PNLIPRP3: variants seen among roughly 807,000 people sequenced by gnomAD.
PNLIPRP3 encodes the protein pancreatic lipase related protein 3, also known as pancreatic lipase-related protein 3.
Under a neutral mutation model 52.8 loss-of-function variants are expected in PNLIPRP3, and 58 were observed. That is an observed-to-expected ratio of 1.10 (90% CI 0.89 to 1.37). PNLIPRP3 has a LOEUF of 1.37. PNLIPRP3 is among the 40% of genes most tolerant of loss of function. PNLIPRP3 has a pLI of 0.00. For missense variants in PNLIPRP3, 593 were observed against 561.6 expected, an observed-to-expected ratio of 1.06 and a Z score of -0.57; for synonymous variants, 192 against 185.0, an observed-to-expected ratio of 1.04 and a Z score of -0.31.
intron 2 of PNLIPRP3, among the ~76,000 whole-genome samples, chr10:116,441,287 G>A (rs528751381): frequency 6.6e-6 from 1 of 152,164 alleles, no homozygotes; most frequent in South Asian, 2.1e-4. Context: ...GGAGACATGT[G>A]CAATGTATGA....
At chr10:116,457,915 T>C (rs1445319129) in intron 5 of PNLIPRP3, among the ~76,000 whole-genome samples, 1 of 152,228 alleles carries the variant, frequency 6.6e-6, no homozygotes, top group Admixed American at 6.5e-5. Flanking sequence ...GTCCAAAGAA[T>C]TAATATTATG....
At chr10:116,443,210 G>T in intron 3 of PNLIPRP3, 36 bp downstream of exon 3, 1 of 1,583,996 alleles carries the variant, frequency 6.3e-7, no homozygotes, top group Non-Finnish European at 8.6e-7. Context: ...ACACTAGCAT[G>T]CGAGCTTTAT....
chr10:116,442,019 C>T (rs776270816), intron 2 of PNLIPRP3, among the ~76,000 whole-genome samples: 5 of 152,170 alleles, frequency 3.3e-5, no homozygotes, highest in African/African-American at 4.8e-5. Flanking sequence ...TACTATTAAA[C>T]ACAGGTAGCC....
Position 116,441,446 on chromosome 10 carries a change from G to C in PNLIPRP3, c.205-1609G>C, listed in dbSNP as rs117744506. ...AAAGGTTTTTCAGATGTAGAAATGG[G>C]ACTATAGTAGGTGTTTGAGGCGCTC... is the stretch of plus-strand genomic sequence containing the variant. On this transcript the variant is annotated intron_variant, in intron 2 of 11. Transcript: ENST00000369230. Among the ~76,000 whole-genome samples, 871 of 152,256 alleles carry C rather than the reference G, an allele frequency of 5.7e-3. 4 individuals are homozygous for C. The highest frequency in any genetic ancestry group is 9.3e-3 in the Non-Finnish European group (630 of 68,020).
chr10:116,467,854 G>A (rs769548503), intron 8 of PNLIPRP3, among the ~76,000 whole-genome samples: 78 of 151,952 alleles, frequency 5.1e-4, no homozygotes, highest in Non-Finnish European at 8.7e-4. Context: ...GGCCGGGCGC[G>A]GTGGCTCACG....
rs1244383937 is a variant in PNLIPRP3 at position 116,461,065 on chromosome 10, C to T, written c.665C>T (p.Ala222Val). 9.3e-6 allele frequency: 15 copies of T among 1,614,078 alleles called. No homozygotes were observed. Among genetic ancestry groups the T allele is most frequent in the Admixed American group, 1.7e-5 (1 of 60,000 alleles). The change falls in exon 6 of 12, where the codon GCT becomes GTT. Residue 222 changes from alanine to valine, a missense_variant. By Grantham distance (64) the Ala-to-Val change is moderately conservative. Coordinates refer to ENST00000369230, the MANE Select transcript of PNLIPRP3 (RefSeq NM_001011709.3). ...NFVDVIHTNA[A>V]RILFELGVGT... is the part of the protein sequence containing the mutation. ...GTTGACGTTATTCATACAAATGCAG[C>T]TCGCATCCTCTTTGAGCTTGGTAAG... is the stretch of plus-strand genomic sequence containing the variant.
intron 5 of PNLIPRP3, among the ~76,000 whole-genome samples, chr10:116,457,447 A>C (rs1398967151): frequency 2.6e-5 from 4 of 152,152 alleles, no homozygotes; most frequent in Non-Finnish European, 1.5e-5. Context: ...AAATACCTAG[A>C]AGTCCAAATT....
Position 116,465,545 on chromosome 10 carries a change from A to AAAACAAAC in PNLIPRP3, c.809-489_809-482dup, listed in dbSNP as rs138936269. On this transcript the variant is annotated intron_variant, in intron 7 of 11. Transcript: ENST00000369230. ...GCCAGACTCCATCTAAAAAAAAAACAAAACAAACAAACAAACAAACAAAAA... is the reference window on the plus strand; with the variant it reads ...GCCAGACTCCATCTAAAAAAAAAACAAAACAAACAAACAAACAAACAAACAAACAAAAA... Among the ~76,000 whole-genome samples, 11 of 151,718 alleles carry AAAACAAAC rather than the reference A, an allele frequency of 7.3e-5. No individual in the cohort carries two copies. The East Asian group carries it at 9.8e-4, about 14-fold the overall frequency.
intron 10 of PNLIPRP3, among the ~76,000 whole-genome samples, chr10:116,472,619 G>A (rs1215321845): frequency 6.6e-6 from 1 of 152,190 alleles, no homozygotes; most frequent in Admixed American, 6.5e-5. Flanking sequence ...TCAGTTGAGA[G>A]ATGCATCCGT....
intron 4 of PNLIPRP3, 61 bp from the exon 5 acceptor site, chr10:116,455,661 C>T: frequency 2.6e-6 from 3 of 1,170,802 alleles, no homozygotes; most frequent in Admixed American, 4.1e-5. Context: ...ATTTTTAAAG[C>T]ATATTTAAGC....
At chr10:116,473,295 C>A (rs1316690560) in intron 10 of PNLIPRP3, among the ~76,000 whole-genome samples, 5 of 152,184 alleles carry the variant, frequency 3.3e-5, no homozygotes, top group Admixed American at 1.3e-4. Context: ...ATAAGTCCAG[C>A]TTCTCCATGC....
intron 6 of PNLIPRP3, 39 bp downstream of exon 6, chr10:116,461,124 G>A (rs746136260): frequency 1.2e-6 from 2 of 1,614,108 alleles, no homozygotes; most frequent in Non-Finnish European, 1.7e-6. Context: ...TTGAAGCATA[G>A]AGGAGATTTT....
chr10:116,439,749 G>T, intron 2 of PNLIPRP3: 2 of 769,512 alleles, frequency 2.6e-6, no homozygotes, highest in Non-Finnish European at 4.8e-6. Flanking sequence ...AGAACAGGAA[G>T]AATCCAGACG....
intron 1 of PNLIPRP3, among the ~76,000 whole-genome samples, chr10:116,434,498 A>T (rs1192436474): frequency 6.6e-6 from 1 of 152,184 alleles, no homozygotes; most frequent in African/African-American, 2.4e-5. Flanking sequence ...ATCTTTTCTT[A>T]AGTGGCTTTA....
At chr10:116,431,727 A>T (rs1265855674) in intron 1 of PNLIPRP3, among the ~76,000 whole-genome samples, 3 of 152,162 alleles carry the variant, frequency 2.0e-5, no homozygotes, top group African/African-American at 4.8e-5. Flanking sequence ...AGAGATTTTT[A>T]GATTTTGAAA....
chr10:116,477,203 G>A lies in PNLIPRP3; in HGVS notation c.*50G>A, dbSNP rs570544195. The stretch of plus-strand genomic sequence containing the variant: ...TCTTTAGTAGGAGCAATGAAGAAAA[G>A]TGTCTCCTTCCACCTGGCATCCAGA... On this transcript the variant is annotated 3_prime_UTR_variant, in exon 12 of 12. Transcript: ENST00000369230. The A allele has an allele frequency of 4.1e-6, 6 of 1,474,336 alleles. No individual in the cohort carries two copies. Among genetic ancestry groups the A allele is most frequent in the South Asian group, 1.2e-5 (1 of 84,266 alleles). 91.3% of individuals were successfully genotyped at this position (1,474,336 alleles called of 1,614,324 possible).
At chr10:116,453,933 C>T (rs1441793948) in intron 4 of PNLIPRP3, among the ~76,000 whole-genome samples, 1 of 152,104 alleles carries the variant, frequency 6.6e-6, no homozygotes, top group Non-Finnish European at 1.5e-5. Context: ...CTCTCCCTCC[C>T]CTTGTCCCCC....
chr10:116,433,496 G>A (rs926587945), intron 1 of PNLIPRP3, among the ~76,000 whole-genome samples: 1 of 152,064 alleles, frequency 6.6e-6, no homozygotes, highest in African/African-American at 2.4e-5. Context: ...AATAACAACG[G>A]GTTTTCATTC....
chr10:116,455,872 T>A, intron 5 of PNLIPRP3, 42 bp downstream of exon 5: 4 of 1,381,384 alleles, frequency 2.9e-6, no homozygotes, highest in Non-Finnish European at 4.1e-6. Context: ...TGTTTAAATA[T>A]TGTTTACACA....
Sources: gnomAD v4.1 joint callset for allele counts (sites outside exome capture counted in the v4.1 genomes callset) on GRCh38, gnomAD v4.1.1 for gene constraint, MANE v1.5 for transcripts, NCBI Gene and HGNC (gene_info 2026-07-23, HGNC 2026-07-21) for gene names.